Variants in TBC1D23 observed in about 807,000 individuals in gnomAD.
TBC1D23 encodes the protein HCV non-structural protein 4A-transactivated protein 1.
A neutral mutation model predicts 91.4 loss-of-function variants in TBC1D23; 55 were observed. The observed-to-expected ratio is 0.60, with a 90% confidence interval of 0.48 to 0.75. The LOEUF (loss-of-function observed/expected upper bound fraction) is 0.75. Among genes scored for constraint, TBC1D23 ranks in the 30% least tolerant of loss-of-function variants. The pLI is 0.00. For synonymous variants in TBC1D23, 289 were observed against 281.0 expected, an observed-to-expected ratio of 1.03 and a Z score of -0.28; for missense variants, 725 against 836.1, an observed-to-expected ratio of 0.87 and a Z score of 1.64.
At chr3:100,312,244 C>T (rs1705637225) in intron 15 of TBC1D23, among the ~76,000 whole-genome samples, 1 of 152,138 alleles carries the variant, frequency 6.6e-6, no homozygotes, top group South Asian at 2.1e-4. Flanking sequence ...TATCTCCCGC[C>T]TAGCAGCAGA....
chr3:100,299,626 C>T (rs1705380206), intron 10 of TBC1D23, among the ~76,000 whole-genome samples: 1 of 152,194 alleles, frequency 6.6e-6, no homozygotes, highest in Non-Finnish European at 1.5e-5. Flanking sequence ...TCTCCTGCCT[C>T]ACCCTCCCTA....
rs545326734 is a variant in TBC1D23 at position 100,283,364 on chromosome 3, C to A, written c.272-243C>A. ...ACTCCAGCCTGGGTGACAAGCTAAACTCCGTCTCAAAAAAAAAAAAGGCTG... is the reference window on the plus strand; with the variant it reads ...ACTCCAGCCTGGGTGACAAGCTAAAATCCGTCTCAAAAAAAAAAAAGGCTG... On this transcript the variant is annotated intron_variant, in intron 3 of 18. Coordinates refer to ENST00000394144, the MANE Select transcript of TBC1D23 (RefSeq NM_001199198.3). 4.4e-4 allele frequency among the ~76,000 whole-genome samples: 67 copies of A among 151,520 alleles called. 1 individual carries two copies. The South Asian group carries it at 9.4e-3, about 21-fold the overall frequency.
intron 1 of TBC1D23, among the ~76,000 whole-genome samples, chr3:100,264,054 C>G (rs1450417560): frequency 6.6e-6 from 1 of 152,122 alleles, no homozygotes; most frequent in Non-Finnish European, 1.5e-5. Context: ...CATCAGCCCC[C>G]CAGAAGAGGA....
In TBC1D23 at chr3:100,323,677, A is replaced by G; in HGVS notation, c.*9A>G. On this transcript the variant is annotated 3_prime_UTR_variant, in exon 19 of 19. Coordinates refer to ENST00000394144, the MANE Select transcript of TBC1D23 (RefSeq NM_001199198.3). ...ATGCTTTGGAAAGTTAATATAAAAGAAAATTATATAAAAAGAAATTAAGAC... is the reference window on the plus strand; with the variant it reads ...ATGCTTTGGAAAGTTAATATAAAAGGAAATTATATAAAAAGAAATTAAGAC... 1 of 1,397,878 alleles carries G rather than the reference A, an allele frequency of 7.2e-7. No homozygotes were observed. 86.6% of individuals were successfully genotyped at this position (1,397,878 alleles called of 1,614,324 possible).
chr3:100,276,257 T>C (rs1280948027), intron 1 of TBC1D23, among the ~76,000 whole-genome samples: 3 of 151,900 alleles, frequency 2.0e-5, no homozygotes, highest in Non-Finnish European at 2.9e-5. Flanking sequence ...TGTTAGTATA[T>C]AGTCATTTTT....
chr3:100,281,901 G>A, intron 3 of TBC1D23, 54 bp downstream of exon 3: 1 of 1,091,950 alleles, frequency 9.2e-7, no homozygotes, highest in African/African-American at 1.6e-5. Context: ...TAATTTTTGG[G>A]TTGAGGAATC....
At chr3:100,283,564 T>C (rs1344056376) in intron 3 of TBC1D23, 43 bp from the exon 4 acceptor site, 1 of 1,397,102 alleles carries the variant, frequency 7.2e-7, no homozygotes. Context: ...TAACAGCCCC[T>C]GACAGGCCCT....
intron 1 of TBC1D23, among the ~76,000 whole-genome samples, chr3:100,262,078 G>T (rs1245189109): frequency 6.6e-6 from 1 of 152,342 alleles, no homozygotes; most frequent in East Asian, 1.9e-4. Context: ...TAGTAATTAA[G>T]AAATTCAGCT....
At chr3:100,281,438 G>C (rs1306609001) in intron 2 of TBC1D23, among the ~76,000 whole-genome samples, 4 of 152,020 alleles carry the variant, frequency 2.6e-5, no homozygotes, top group Non-Finnish European at 5.9e-5. Flanking sequence ...TTCTTTGCCA[G>C]TACATTCTGT....
intron 1 of TBC1D23, among the ~76,000 whole-genome samples, chr3:100,263,993 T>A (rs1411666828): frequency 6.6e-6 from 1 of 152,222 alleles, no homozygotes; most frequent in Non-Finnish European, 1.5e-5. Flanking sequence ...CGGTGATTTC[T>A]GTTTTCCCTC....
chr3:100,313,330 A>G (rs575439600), intron 15 of TBC1D23, among the ~76,000 whole-genome samples: 1 of 152,270 alleles, frequency 6.6e-6, no homozygotes, highest in South Asian at 2.1e-4. Flanking sequence ...TGAAAAGAGA[A>G]TCTAATGAGA....
chr3:100,302,297 T>A, intron 11 of TBC1D23, 60 bp downstream of exon 11: 1 of 1,374,314 alleles, frequency 7.3e-7, no homozygotes, highest in Non-Finnish European at 9.7e-7. Flanking sequence ...TTAAAAAATT[T>A]ACATAGATAA....
chr3:100,309,600 A>C (rs1020372542), intron 13 of TBC1D23, among the ~76,000 whole-genome samples: 3 of 127,820 alleles, frequency 2.3e-5, no homozygotes, highest in Non-Finnish European at 5.1e-5. Flanking sequence ...TAAATTTTTT[A>C]TTCTACCTTC....
intron 15 of TBC1D23, among the ~76,000 whole-genome samples, chr3:100,312,723 A>AG (rs1460655479): frequency 6.6e-6 from 1 of 151,964 alleles, no homozygotes; most frequent in Non-Finnish European, 1.5e-5. Flanking sequence ...TAAGTGGGCC[A>AG]GAAAAAAAAA....
At position 100,314,091 on chromosome 3, in the gene TBC1D23, A is replaced by ATTTTTTTTTTTTT. The variant is rs71299383; in HGVS notation, c.1599-1995_1599-1983dup. 5.0e-4 allele frequency among the ~76,000 whole-genome samples: 47 copies of ATTTTTTTTTTTTT among 94,590 alleles called. 1 individual carries two copies. Among genetic ancestry groups the ATTTTTTTTTTTTT allele is most frequent in the South Asian group, 8.0e-4 (2 of 2,486 alleles). 62.1% of individuals were successfully genotyped at this position (94,590 alleles called of 152,430 possible). On this transcript the variant is annotated intron_variant, in intron 15 of 18. Coordinates refer to ENST00000394144, the MANE Select transcript of TBC1D23 (RefSeq NM_001199198.3). The stretch of plus-strand genomic sequence containing the variant: ...TAAATCAACAAAATTAGGCTACAAA[A>ATTTTTTTTTTTTT]TTTTTTTTTTTTTTTTTTTTTTTTT...
In TBC1D23 at chr3:100,306,423, TAA is replaced by T. The variant is rs769620735; in HGVS notation, c.1307-13_1307-12del. The T allele has an allele frequency of 6.7e-7, 1 of 1,498,540 alleles. No individual in the cohort carries two copies. The allele number at this position is 1,498,540 out of a possible 1,614,324, so 92.8% of individuals were successfully genotyped here. ...ATATTTTAGGTTTTTCTTTTTTTTT[TAA>T]TTTATCTTAAGCACTGCAGCAGCAC... On this transcript the variant is annotated splice_polypyrimidine_tract_variant and intron_variant, in intron 12 of 18. Transcript: ENST00000394144.
chr3:100,310,233 A>G (rs1219597404), intron 13 of TBC1D23, among the ~76,000 whole-genome samples, 170 bp from the exon 14 acceptor site: 2 of 152,212 alleles, frequency 1.3e-5, no homozygotes, highest in African/African-American at 2.4e-5. Flanking sequence ...TTATGCCTGT[A>G]GAGGCCTTGT....
At chr3:100,297,831 ATTTTACC>A in intron 8 of TBC1D23, 85 bp from the exon 9 acceptor site, 3 of 1,120,888 alleles carry the variant, frequency 2.7e-6, no homozygotes, top group Non-Finnish European at 3.8e-6. Flanking sequence ...GAGTATTATA[ATTTTACC>A]TTTTATCATG....
At chr3:100,291,153 C>T (rs891141175) in intron 5 of TBC1D23, among the ~76,000 whole-genome samples, 8 of 152,208 alleles carry the variant, frequency 5.3e-5, no homozygotes, top group South Asian at 4.2e-4. Context: ...TAAAGTATAA[C>T]GCTGTGCTCT....
Sources: gnomAD v4.1 joint callset for allele counts (sites outside exome capture counted in the v4.1 genomes callset) on GRCh38, gnomAD v4.1.1 for gene constraint, MANE v1.5 for transcripts, NCBI Gene and HGNC (gene_info 2026-07-23, HGNC 2026-07-21) for gene names.